Variants in RP1 observed in about 807,000 individuals in gnomAD.
The protein encoded by RP1 is RP1 axonemal microtubule associated, also known as oxygen-regulated protein 1.
RP1 carries 16 observed loss-of-function variants against 14.8 expected under a neutral mutation model. The ratio of observed to expected loss-of-function variants is 1.08; its 90% confidence interval spans 0.73 to 1.65. The LOEUF (loss-of-function observed/expected upper bound fraction) is 1.65. Ranked by LOEUF, RP1 falls within the 40% of genes most tolerant of loss-of-function variation. The probability of loss-of-function intolerance (pLI) is 0.00; values close to 1 mark genes in which losing one functional copy is unlikely to be tolerated. For missense variants in RP1, 2,631 were observed against 2,535.0 expected (o/e 1.04, Z -0.81); for synonymous variants, 876 against 883.6 (o/e 0.99, Z 0.15).
intron 4 of RP1, chr8:54,649,251 TAGA>T: frequency 2.2e-6 from 2 of 894,054 alleles, no homozygotes; most frequent in Non-Finnish European, 3.0e-6. Flanking sequence ...ATGTGCCCTG[TAGA>T]AGATCATTCA....
intron 3 of RP1, among the ~76,000 whole-genome samples, chr8:54,623,351 C>T (rs1451238697): frequency 3.3e-5 from 5 of 151,916 alleles, no homozygotes; most frequent in Non-Finnish European, 7.4e-5. Flanking sequence ...CTTTGATTTA[C>T]AATTTAAGTA....
At chr8:54,630,930 T>A, downstream of RP1, 1 of 609,520 alleles carries the variant, frequency 1.6e-6, no homozygotes, top group Non-Finnish European at 2.1e-6. Context: ...TAGACTAGAC[T>A]ATCAAGTATC....
chr8:54,655,935 AAAG>A (rs1293320708), intron 5 of RP1: 2 of 483,932 alleles, frequency 4.1e-6, no homozygotes, highest in East Asian at 3.6e-5. Flanking sequence ...GATGGCAGTA[AAAG>A]AAGAAATTAG....
chr8:54,658,076 C>G (rs1806795115), intron 6 of RP1, among the ~76,000 whole-genome samples: 1 of 152,172 alleles, frequency 6.6e-6, no homozygotes, highest in Admixed American at 6.5e-5. Context: ...CCCCCAATCC[C>G]CATCCTGCTG....
intron 1 of RP1, among the ~76,000 whole-genome samples, chr8:54,577,048 CA>C (rs1387342328): frequency 1.3e-5 from 2 of 151,958 alleles, no homozygotes; most frequent in African/African-American, 4.8e-5. Context: ...GATGGTGTTT[CA>C]CACTGTCACC....
intron 7 of RP1, among the ~76,000 whole-genome samples, chr8:54,665,445 G>A (rs141033132): frequency 6.6e-6 from 1 of 152,280 alleles, no homozygotes; most frequent in African/African-American, 2.4e-5. Context: ...GCCAAGTCCT[G>A]TCAGTGCCCC....
chr8:54,689,379 C>T (rs879092934), intron 12 of RP1, among the ~76,000 whole-genome samples: 3 of 152,026 alleles, frequency 2.0e-5, no homozygotes, highest in Admixed American at 2.0e-4. Flanking sequence ...GAGGGCATCC[C>T]TGTCTCGTTA....
At chr8:54,639,904 C>T (rs1429067062) in intron 3 of RP1, among the ~76,000 whole-genome samples, 2 of 152,134 alleles carry the variant, frequency 1.3e-5, no homozygotes, top group Non-Finnish European at 2.9e-5. Flanking sequence ...CTTGACTTTT[C>T]ACTTTCTTAG....
intron 14 of RP1, among the ~76,000 whole-genome samples, chr8:54,706,266 C>T (rs866087800): frequency 6.6e-6 from 1 of 152,090 alleles, no homozygotes; most frequent in Admixed American, 6.6e-5. Context: ...GTAAACCAAC[C>T]TCCTTTTGTT....
chr8:54,630,258 T>A lies in RP1; in HGVS notation c.6376T>A (p.Cys2126Ser). The A allele has an allele frequency of 6.2e-7, 1 of 1,613,728 alleles. No homozygotes were observed. Among genetic ancestry groups the A allele is most frequent in the East Asian group, 2.2e-5 (1 of 44,826 alleles). The stretch of plus-strand genomic sequence containing the variant: ...TAGCAACAGAAATATTTTAGAACTT[T>A]GTATGTTTGAGGGTGAAAATCTTTT... ...NISNRNILELCMFEGENLFIW... is the reference protein window; with the variant it reads ...NISNRNILELSMFEGENLFIW... The change falls in exon 4 of 4, where the codon TGT becomes AGT. Residue 2126 changes from cysteine to serine, a missense_variant. By Grantham distance (112) the Cys-to-Ser change is moderately radical. Transcript: ENST00000220676.
chr8:54,728,377 C>T (rs141508499), intron 17 of RP1, among the ~76,000 whole-genome samples: 74 of 152,160 alleles, frequency 4.9e-4, no homozygotes, highest in African/African-American at 1.7e-3. Flanking sequence ...GTTGCATTAG[C>T]CATTCATATT....
At chr8:54,800,407 A>T (rs548922036) in intron 24 of RP1, among the ~76,000 whole-genome samples, 2 of 151,956 alleles carry the variant, frequency 1.3e-5, no homozygotes, top group African/African-American at 4.8e-5. Flanking sequence ...TTCTGTATCT[A>T]ATTTTGAAAA....
rs907392927 is a variant in RP1 at position 54,784,567 on chromosome 8, A to G, written c.3615+857A>G. The stretch of plus-strand genomic sequence containing the variant: ...TCCTCTTATTTTTTTAACCAAAGCT[A>G]CCTATTTTCCTATGACAAACTCTGG... On this transcript the variant is annotated intron_variant, in intron 24 of 28. Transcript: ENST00000637698. Among the ~76,000 whole-genome samples the G allele has an allele frequency of 2.6e-5, 4 of 152,250 alleles. No individual in the cohort carries two copies. In the East Asian group the frequency reaches 7.7e-4, roughly 29 times the overall value.
chr8:54,560,728 A>G (rs1320833172), intron 1 of RP1: 1 of 152,004 alleles, frequency 6.6e-6, no homozygotes, highest in South Asian at 2.1e-4. Flanking sequence ...GTGTAAGGCC[A>G]CAACACACAG....
intron 24 of RP1, among the ~76,000 whole-genome samples, chr8:54,798,161 G>A (rs190991505): frequency 2.0e-5 from 3 of 152,054 alleles, no homozygotes; most frequent in Non-Finnish European, 4.4e-5. Flanking sequence ...CTACAGGCAC[G>A]TGCCACCACG....
chr8:54,695,896 C>A (rs926667837), intron 12 of RP1, among the ~76,000 whole-genome samples: 5 of 152,092 alleles, frequency 3.3e-5, no homozygotes, highest in African/African-American at 1.2e-4. Flanking sequence ...CATTAAGATG[C>A]ATTTTATTAT....
intron 15 of RP1, among the ~76,000 whole-genome samples, chr8:54,709,906 T>C (rs1175398351): frequency 6.6e-6 from 1 of 152,072 alleles, no homozygotes; most frequent in Non-Finnish European, 1.5e-5. Context: ...TAACAAGCAG[T>C]TTGGTACACT....
At chr8:54,838,055 T>C (rs1811704508) in intron 25 of RP1, among the ~76,000 whole-genome samples, 1 of 152,234 alleles carries the variant, frequency 6.6e-6, no homozygotes, top group South Asian at 2.1e-4. Flanking sequence ...GGCCGCAAGT[T>C]GTTTGCCCAC....
chr8:54,771,392 T>A (rs1047652276), downstream of RP1, among the ~76,000 whole-genome samples: 3 of 152,020 alleles, frequency 2.0e-5, no homozygotes, highest in Non-Finnish European at 4.4e-5. Context: ...AAGGTTATAA[T>A]TAAGGCTGAA....
Sources: allele counts gnomAD v4.1 joint callset (sites outside exome capture counted in the v4.1 genomes callset), GRCh38; gene constraint gnomAD v4.1.1; transcripts MANE v1.5; gene names NCBI Gene and HGNC (gene_info 2026-07-23, HGNC 2026-07-21).